SIM2: variants seen among roughly 807,000 people sequenced by gnomAD.
SIM2 encodes single-minded homolog 2.
In SIM2, 28 loss-of-function variants were observed where a neutral mutation model predicts 64.8. The observed-to-expected ratio is 0.43, with a 90% CI of 0.32 to 0.59. The LOEUF (loss-of-function observed/expected upper bound fraction) is 0.59. SIM2 is among the 20% of genes least tolerant of loss of function. SIM2 has a pLI of 0.07. For synonymous variants in SIM2, 408 were observed against 391.1 expected, an observed-to-expected ratio of 1.04 and a Z score of -0.51; for missense variants, 847 against 871.4, an observed-to-expected ratio of 0.97 and a Z score of 0.35.
At chr21:36,700,316 CTCTT>C (rs200674591) in intron 1 of SIM2, among the ~76,000 whole-genome samples, 8,940 of 148,852 alleles carry the variant, frequency 0.06, 867 homozygotes, top group African/African-American at 0.21. Flanking sequence ...TTCTTTCTTT[CTCTT>C]TCTTTTTCTT....
chr21:36,707,003 G>T (rs1157219166), intron 1 of SIM2, among the ~76,000 whole-genome samples: 1 of 152,230 alleles, frequency 6.6e-6, no homozygotes, highest in African/African-American at 2.4e-5. Context: ...CCCGGGCAGC[G>T]GAGTCTGGTC....
chr21:36,745,947 G>T lies in SIM2; in HGVS notation c.1576+811G>T. On this transcript the variant is annotated intron_variant, in intron 10 of 10. Transcript: ENST00000290399. The surrounding 1 kb of genome is among the most constrained non-coding windows in gnomAD (Gnocchi z 4.8). ...ATTCCCATTGCACCGAGACCTAACT[G>T]CCGCTCAGAGTGTAGACCGAGATGG... The T allele has an allele frequency of 8.0e-7, 1 of 1,245,910 alleles. No homozygotes were observed. Among genetic ancestry groups the T allele is most frequent in the Non-Finnish European group, 1.0e-6 (1 of 957,168 alleles). The allele number at this position is 1,245,910 out of a possible 1,614,324, so 77.2% of individuals were successfully genotyped here.
intron 7 of SIM2, among the ~76,000 whole-genome samples, chr21:36,737,966 A>AAAAAAAAAAAAAAAAAAAAAAAAAAAG: frequency 8.3e-6 from 1 of 120,988 alleles, no homozygotes; most frequent in Non-Finnish European, 2.0e-5. Context: ...TGTCTCAAAA[A>AAAAAAAAAAAAAAAAAAAAAAAAAAAG]AAAAAAAAAA....
intron 5 of SIM2, among the ~76,000 whole-genome samples, chr21:36,725,290 CA>C (rs1271947072): frequency 6.6e-6 from 1 of 152,110 alleles, no homozygotes; most frequent in Non-Finnish European, 1.5e-5. Context: ...GTCAAGGCTG[CA>C]GTGAGCCTGA....
chr21:36,739,749 G>A (rs916777233), intron 7 of SIM2, among the ~76,000 whole-genome samples: 4 of 152,070 alleles, frequency 2.6e-5, no homozygotes, highest in South Asian at 2.1e-4. Flanking sequence ...GCCAGGCGCC[G>A]TGGCTCACAC....
At chr21:36,704,812 C>T (rs1422794177) in intron 1 of SIM2, among the ~76,000 whole-genome samples, 1 of 152,212 alleles carries the variant, frequency 6.6e-6, no homozygotes, top group Non-Finnish European at 1.5e-5. Context: ...CCATCGGCCG[C>T]GGGAGGCTTT....
intron 6 of SIM2, among the ~76,000 whole-genome samples, chr21:36,727,233 C>T (rs1367904045): frequency 6.6e-6 from 1 of 151,964 alleles, no homozygotes; most frequent in Non-Finnish European, 1.5e-5. Flanking sequence ...TGCGGTTTCA[C>T]TATGTTGGCC....
At chr21:36,746,108 G>T in intron 10 of SIM2, 2 of 538,190 alleles carry the variant, frequency 3.7e-6, no homozygotes, top group Non-Finnish European at 5.1e-6. Context: ...CTGAGGTCAG[G>T]AGTTTGCGAC....
intron 6 of SIM2, among the ~76,000 whole-genome samples, chr21:36,728,823 G>A (rs977886295): frequency 1.3e-5 from 2 of 152,366 alleles, no homozygotes; most frequent in East Asian, 1.9e-4. Flanking sequence ...GAAGTCCAGC[G>A]GCCCCAAGTC....
At chr21:36,717,896 C>T (rs770087663) in intron 3 of SIM2, among the ~76,000 whole-genome samples, 7 of 152,154 alleles carry the variant, frequency 4.6e-5, no homozygotes, top group East Asian at 1.9e-4. Flanking sequence ...AGGAATGACT[C>T]GAAAGAAGAA....
In SIM2 at chr21:36,741,747, A is replaced by C. The variant is rs771464885; in HGVS notation, c.881A>C (p.Tyr294Ser). The C allele has an allele frequency of 6.2e-7, 1 of 1,613,596 alleles. No individual in the cohort carries two copies. Residue 294 changes from tyrosine to serine, a missense_variant, in exon 8 of 11, where the codon TAC (tyrosine) becomes TCC (serine). Tyr to Ser is a moderately radical substitution (Grantham distance 144). Transcript: ENST00000290399. ...LLVKGQVTTKYYRLLSKRGGW... is the reference protein window; with the variant it reads ...LLVKGQVTTKSYRLLSKRGGW... ...GTGAAGGGCCAGGTCACCACCAAGT[A>C]CTACCGGCTGCTGTCCAAGCGGGGC...
intron 5 of SIM2, among the ~76,000 whole-genome samples, chr21:36,723,844 G>A (rs970490758): frequency 1.4e-4 from 21 of 152,146 alleles, no homozygotes; most frequent in African/African-American, 4.8e-4. Context: ...AGAGTCAGCC[G>A]CCCCCCAGGG....
rs571567116 is a variant in SIM2 at position 36,723,134 on chromosome 21, C to T, written c.543+4C>T. 42 of 1,612,758 alleles carry T rather than the reference C, an allele frequency of 2.6e-5. No homozygotes were observed. The highest frequency in any genetic ancestry group is 1.1e-4 in the African/African-American group (8 of 74,948). ...CCTGACCTGCAGCGGATACAAGGTA[C>T]GGGGAGTCATGGGTGCGGGGAGGAG... On this transcript the variant is annotated splice_donor_region_variant and intron_variant, in intron 5 of 10. Coordinates refer to ENST00000290399, the MANE Select transcript of SIM2 (RefSeq NM_005069.6).
intron 1 of SIM2, among the ~76,000 whole-genome samples, chr21:36,706,371 G>T (rs924719016): frequency 1.3e-5 from 2 of 152,112 alleles, no homozygotes; most frequent in East Asian, 1.9e-4. Flanking sequence ...CCCCCCAGCC[G>T]CAACCTCACC....
Position 36,726,506 on chromosome 21 carries a change from T to C in SIM2, c.743+188T>C, listed in dbSNP as rs1442566267. On this transcript the variant is annotated intron_variant, in intron 6 of 10. Transcript: ENST00000290399. The surrounding 1 kb of genome is among the most constrained non-coding windows in gnomAD (Gnocchi z 4.5). Reference sequence around the variant, plus strand: ...CAGCCTTAGGACTCAAGGGCTTGTTTTACTTTATTTACTTATTGATTTACT... The same window carrying C: ...CAGCCTTAGGACTCAAGGGCTTGTTCTACTTTATTTACTTATTGATTTACT... Among the ~76,000 whole-genome samples the C allele has an allele frequency of 6.6e-6, 1 of 152,260 alleles. No individual in the cohort carries two copies.
chr21:36,727,701 G>A lies in SIM2; in HGVS notation c.743+1383G>A, dbSNP rs147254941. 8.0e-3 allele frequency among the ~76,000 whole-genome samples: 1,224 copies of A among 152,288 alleles called. 7 individuals are homozygous for A. The highest frequency in any genetic ancestry group is 0.031 in the Middle Eastern group (9 of 294). On this transcript the variant is annotated intron_variant, in intron 6 of 10. Coordinates refer to ENST00000290399, the MANE Select transcript of SIM2 (RefSeq NM_005069.6). ...CTCCTGGCGTGGGGTGTGTGTGTGC[G>A]ATGAGTCTTTGGCGGGGGGAGGAGA... is the stretch of plus-strand genomic sequence containing the variant.
intron 7 of SIM2, among the ~76,000 whole-genome samples, chr21:36,731,442 AC>A (rs968009682): frequency 2.6e-5 from 4 of 152,178 alleles, no homozygotes; most frequent in African/African-American, 9.7e-5. Context: ...TGATCTGGAC[AC>A]CATTTGCGAA....
intron 3 of SIM2, among the ~76,000 whole-genome samples, chr21:36,716,873 T>C (rs201163266): frequency 4.1e-5 from 6 of 144,880 alleles, no homozygotes; most frequent in African/African-American, 1.0e-4. Context: ...TTTTTTTTTT[T>C]TGTGAGGTAG....
rs1475293979 is a variant in SIM2 at position 36,726,296 on chromosome 21, A to C, written c.721A>C (p.Lys241Gln). The C allele has an allele frequency of 6.2e-7, 1 of 1,612,934 alleles. No homozygotes were observed. Among genetic ancestry groups the C allele is most frequent in the East Asian group, 2.2e-5 (1 of 44,862 alleles). ...CATGTTCAGGGCCAGCCTTGACCTG[A>C]AGCTGATATTCCTGGATTCCAGGTG... ...MFMFRASLDL[K>Q]LIFLDSRVTE... Residue 241 changes from lysine (K) to glutamine (Q), a missense_variant, in exon 6 of 11, where the codon AAG becomes CAG. Lys to Gln is a moderately conservative substitution (Grantham distance 53). Around this residue, in one of 3 missense-constraint regions of SIM2, gnomAD observed 397 missense variants for 439.2 expected, o/e 0.90. Coordinates refer to ENST00000290399, the MANE Select transcript of SIM2 (RefSeq NM_005069.6). This position sits in a 1 kb window ranked among gnomAD's most constrained non-coding sequence, Gnocchi z 4.5.
Sources: gnomAD v4.1 joint callset for allele counts (sites outside exome capture counted in the v4.1 genomes callset) on GRCh38, gnomAD v4.1.1 for gene constraint, gnomAD v4.1.1 regional missense constraint, Gnocchi (gnomAD v3.1) non-coding constraint, MANE v1.5 for transcripts, NCBI Gene and HGNC (gene_info 2026-07-23, HGNC 2026-07-21) for gene names.